Variants in RORA observed in about 807,000 individuals in gnomAD.
RORA encodes the protein nuclear receptor ROR-alpha.
Under a neutral mutation model 69.5 loss-of-function variants are expected in RORA, and 7 were observed. The ratio of observed to expected loss-of-function variants is 0.10; its 90% CI spans 0.06 to 0.19. RORA has a LOEUF of 0.19. Among genes scored for constraint, RORA ranks in the 10% least tolerant of loss-of-function variants. The pLI, the probability that RORA is intolerant of heterozygous loss-of-function variation, is 1.00. For missense variants in RORA, 457 were observed against 663.0 expected, an observed-to-expected ratio of 0.69 and a Z score of 3.41; for synonymous variants, 261 against 240.8, an observed-to-expected ratio of 1.08 and a Z score of -0.78.
intron 1 of RORA, among the ~76,000 whole-genome samples, chr15:61,204,983 C>G (rs569670741): frequency 7.9e-5 from 12 of 152,334 alleles, no homozygotes; most frequent in African/African-American, 2.9e-4. Flanking sequence ...CTTCAATGTG[C>G]TGGTCGGCAC....
At chr15:60,627,579 A>G in intron 2 of RORA, 4 of 1,264,504 alleles carry the variant, frequency 3.2e-6, no homozygotes, top group Non-Finnish European at 4.0e-6. Context: ...AGGTACTTAC[A>G]ATTCTCCCAT....
At chr15:60,673,371 G>A (rs796910027) in intron 2 of RORA, among the ~76,000 whole-genome samples, 14 of 152,320 alleles carry the variant, frequency 9.2e-5, no homozygotes, top group African/African-American at 3.4e-4. Flanking sequence ...GTTAAGCTTA[G>A]GAGGGCTTGG....
At chr15:60,536,843 A>G (rs1238211446) in intron 2 of RORA, among the ~76,000 whole-genome samples, 2 of 151,128 alleles carry the variant, frequency 1.3e-5, no homozygotes, top group East Asian at 1.9e-4. Flanking sequence ...TAAAAAGCCT[A>G]TCTATCTTTT....
intron 1 of RORA, among the ~76,000 whole-genome samples, chr15:60,993,857 G>A (rs769565350): frequency 6.6e-6 from 1 of 151,992 alleles, no homozygotes; most frequent in African/African-American, 2.4e-5. Flanking sequence ...GACAATTTAG[G>A]GGGTGGATCC....
chr15:61,114,099 A>G (rs1476992913), intron 1 of RORA, among the ~76,000 whole-genome samples: 3 of 152,214 alleles, frequency 2.0e-5, no homozygotes, highest in African/African-American at 7.2e-5. Flanking sequence ...ATTTCAGCCA[A>G]CAAAGCTTTA....
intron 1 of RORA, among the ~76,000 whole-genome samples, chr15:60,754,629 A>G (rs2071771222): frequency 1.3e-5 from 2 of 152,148 alleles, no homozygotes; most frequent in African/African-American, 4.8e-5. Context: ...ATCCTTGAGG[A>G]TACATGTCCA....
intron 1 of RORA, among the ~76,000 whole-genome samples, chr15:61,019,718 G>A (rs758656140): frequency 6.6e-6 from 1 of 152,096 alleles, no homozygotes; most frequent in Non-Finnish European, 1.5e-5. Context: ...CATGGGTACC[G>A]TACCTTCATG....
intron 1 of RORA, among the ~76,000 whole-genome samples, chr15:61,221,521 C>T (rs1219152501): frequency 6.6e-6 from 1 of 152,166 alleles, no homozygotes; most frequent in Non-Finnish European, 1.5e-5. Context: ...TTACTTTCCC[C>T]CATTAAGCAC....
chr15:60,947,688 T>TA (rs35887206), intron 1 of RORA, among the ~76,000 whole-genome samples: 28,870 of 102,524 alleles, frequency 0.28, 4,059 homozygotes, highest in African/African-American at 0.29. Context: ...GAATGATCAA[T>TA]AAAAAAAAAA....
intron 1 of RORA, among the ~76,000 whole-genome samples, chr15:61,137,052 AAAGAAAG>A (rs2079249546): frequency 4.0e-5 from 6 of 148,364 alleles, no homozygotes; most frequent in Admixed American, 4.0e-4. Flanking sequence ...AGAAAGAAAG[AAAGAAAG>A]AAAGAAAGAA....
intron 2 of RORA, among the ~76,000 whole-genome samples, chr15:60,660,761 A>G (rs916443068): frequency 9.8e-5 from 15 of 152,304 alleles, no homozygotes; most frequent in Admixed American, 5.9e-4. Context: ...AAGAAAAAAA[A>G]AACTATTTAG....
At chr15:60,577,474 T>C (rs901519466) in intron 2 of RORA, among the ~76,000 whole-genome samples, 1 of 152,038 alleles carries the variant, frequency 6.6e-6, no homozygotes, top group Non-Finnish European at 1.5e-5. Flanking sequence ...TAAAACCCTG[T>C]CTCTACTAAA....
intron 2 of RORA, among the ~76,000 whole-genome samples, chr15:60,653,978 A>G (rs1024882877): frequency 7.2e-5 from 11 of 152,278 alleles, no homozygotes; most frequent in African/African-American, 2.4e-4. Context: ...CAAGGATTCT[A>G]TCAGGAGACC....
chr15:60,584,890 A>G (rs1448759946), intron 2 of RORA, among the ~76,000 whole-genome samples: 1 of 152,234 alleles, frequency 6.6e-6, no homozygotes, highest in Non-Finnish European at 1.5e-5. Flanking sequence ...ACAAGTCTTC[A>G]CTTCTGAACC....
intron 1 of RORA, among the ~76,000 whole-genome samples, chr15:61,114,389 ATTCC>A (rs2079032671): frequency 6.6e-6 from 1 of 152,200 alleles, no homozygotes; most frequent in Non-Finnish European, 1.5e-5. Flanking sequence ...TTTATCCCCT[ATTCC>A]ATGAAAAACA....
At chr15:60,920,209 C>T (rs961811908) in intron 1 of RORA, among the ~76,000 whole-genome samples, 1 of 152,240 alleles carries the variant, frequency 6.6e-6, no homozygotes, top group Non-Finnish European at 1.5e-5. Context: ...ATGTATCTAT[C>T]TATATATCTA....
intron 1 of RORA, among the ~76,000 whole-genome samples, chr15:61,174,702 T>C (rs1187781538): frequency 2.0e-5 from 3 of 152,178 alleles, no homozygotes; most frequent in Non-Finnish European, 4.4e-5. Context: ...CAGGCTCCAG[T>C]GTAAACCTCA....
chr15:60,960,024 C>G (rs1389110287), intron 1 of RORA, among the ~76,000 whole-genome samples: 1 of 151,974 alleles, frequency 6.6e-6, no homozygotes, highest in African/African-American at 2.4e-5. Context: ...CCTTTGAAAC[C>G]CCCTAAATAA....
intron 1 of RORA, among the ~76,000 whole-genome samples, chr15:60,680,603 C>T (rs1344892700): frequency 6.6e-6 from 1 of 151,714 alleles, no homozygotes; most frequent in East Asian, 1.9e-4. Context: ...TCTCTCGGTC[C>T]CTCAGTTTTG....
Sources: gnomAD v4.1 joint callset for allele counts (sites outside exome capture counted in the v4.1 genomes callset) on GRCh38, gnomAD v4.1.1 for gene constraint, MANE v1.5 for transcripts, NCBI Gene and HGNC (gene_info 2026-07-23, HGNC 2026-07-21) for gene names.